Variants in STOX2 observed in about 807,000 individuals in gnomAD.
The protein encoded by STOX2 is storkhead box 2.
A neutral mutation model predicts 60.9 loss-of-function variants in STOX2; 28 were observed. The ratio of observed to expected loss-of-function variants is 0.46; its 90% CI spans 0.34 to 0.63. The LOEUF (loss-of-function observed/expected upper bound fraction) is 0.63, where lower values mean the gene tolerates loss of function less well. Ranked by LOEUF, STOX2 falls within the 30% of genes least tolerant of loss-of-function variation. STOX2 has a pLI of 0.01. For missense variants in STOX2, 1,024 were observed against 1,187.7 expected (o/e 0.86, Z 2.03); for synonymous variants, 472 against 463.9 (o/e 1.02, Z -0.22).
rs1553967298 is a variant in STOX2, at chr4:183,841,179, GTATTTATTTATT to G, written c.364+43156_364+43167del. Reference sequence around the variant, plus strand: ...CACGCCCGGTTCAGTTTTCATCGTAGTATTTATTTATTTATTTATTTATTTATTTATTTATTT... The same window carrying G: ...CACGCCCGGTTCAGTTTTCATCGTAGTATTTATTTATTTATTTATTTATTT... On this transcript the variant is annotated intron_variant, in intron 1 of 2. Transcript: ENST00000513034. Among the ~76,000 whole-genome samples the G allele has an allele frequency of 2.8e-3, 419 of 147,992 alleles. 2 individuals carry two copies. The highest frequency in any genetic ancestry group is 3.8e-3 in the Non-Finnish European group (251 of 66,906).
At chr4:183,944,445 G>A (rs1413941754) in intron 1 of STOX2, among the ~76,000 whole-genome samples, 1 of 152,244 alleles carries the variant, frequency 6.6e-6, no homozygotes, top group Admixed American at 6.5e-5. Context: ...GCTGGGCATG[G>A]TGGCTCACGC....
intron 1 of STOX2, among the ~76,000 whole-genome samples, chr4:183,886,596 G>T (rs979472112): frequency 1.3e-5 from 2 of 152,216 alleles, no homozygotes; most frequent in African/African-American, 4.8e-5. Context: ...GCACCGTCCA[G>T]GTGCAGAATG....
intron 1 of STOX2, among the ~76,000 whole-genome samples, chr4:183,948,176 A>G (rs1742950893): frequency 7.2e-6 from 1 of 139,330 alleles, no homozygotes; most frequent in South Asian, 2.4e-4. Flanking sequence ...CGAGATCATG[A>G]CATTGCACTC....
intron 1 of STOX2, among the ~76,000 whole-genome samples, chr4:183,893,851 T>G (rs1741283230): frequency 6.6e-6 from 1 of 152,176 alleles, no homozygotes; most frequent in African/African-American, 2.4e-5. Flanking sequence ...GTCTAAGCAT[T>G]TTGTTCTAGT....
At chr4:183,964,263 T>C (rs993914017) in intron 1 of STOX2, among the ~76,000 whole-genome samples, 21 of 152,230 alleles carry the variant, frequency 1.4e-4, no homozygotes, top group African/African-American at 5.1e-4. Context: ...AAATGTTATG[T>C]TGAGAAAGGA....
At chr4:183,978,947 A>G (rs562621082) in intron 1 of STOX2, among the ~76,000 whole-genome samples, 3 of 152,306 alleles carry the variant, frequency 2.0e-5, no homozygotes, top group East Asian at 3.8e-4. Context: ...TCAATTTTGT[A>G]TATGTTAATT....
At chr4:183,875,555 C>A (rs1740810672) in intron 1 of STOX2, among the ~76,000 whole-genome samples, 1 of 152,224 alleles carries the variant, frequency 6.6e-6, no homozygotes, top group Non-Finnish European at 1.5e-5. Context: ...GTGGAGCGGG[C>A]TTTGCAGCCT....
At chr4:183,973,553 G>A (rs1743802928) in intron 1 of STOX2, among the ~76,000 whole-genome samples, 1 of 152,128 alleles carries the variant, frequency 6.6e-6, no homozygotes, top group African/African-American at 2.4e-5. Flanking sequence ...ATAAAAGAAA[G>A]CAATAATTCA....
At chr4:183,992,803 C>T (rs1047626000) in intron 1 of STOX2, among the ~76,000 whole-genome samples, 2 of 152,174 alleles carry the variant, frequency 1.3e-5, no homozygotes, top group Admixed American at 6.5e-5. Flanking sequence ...TGTTTATGTA[C>T]GTAGGACCTT....
chr4:183,949,438 G>A (rs1159709897), intron 1 of STOX2, among the ~76,000 whole-genome samples: 1 of 152,196 alleles, frequency 6.6e-6, no homozygotes. Context: ...GGTGGCTCAT[G>A]CCTGTAATCC....
At chr4:183,801,644 C>T (rs1194470756) in intron 1 of STOX2, among the ~76,000 whole-genome samples, 1 of 152,166 alleles carries the variant, frequency 6.6e-6, no homozygotes, top group Non-Finnish European at 1.5e-5. Context: ...GCGGGAGTTC[C>T]TGCAGAGCAG....
At position 183,821,362 on chromosome 4, in the gene STOX2, A is replaced by G. The variant is rs1224958371; in HGVS notation, c.364+23307A>G. Reference sequence around the variant, plus strand: ...TAGGTGGAAGCCTGTGCTAGCAGGTAGAGGATCTTTTATAAAGAACAAACG... The same window carrying G: ...TAGGTGGAAGCCTGTGCTAGCAGGTGGAGGATCTTTTATAAAGAACAAACG... On this transcript the variant is annotated intron_variant, in intron 1 of 2. Coordinates refer to the STOX2 transcript ENST00000513034. The surrounding 1 kb of genome is among the most constrained non-coding windows in gnomAD (Gnocchi z 4.2). Among the ~76,000 whole-genome samples the G allele has an allele frequency of 2.0e-5, 3 of 152,236 alleles. No individual in the cohort carries two copies. The highest frequency in any genetic ancestry group is 7.2e-5 in the African/African-American group (3 of 41,462).
intron 1 of STOX2, among the ~76,000 whole-genome samples, chr4:183,888,909 TC>T (rs1299742008): frequency 6.6e-6 from 1 of 152,054 alleles, no homozygotes; most frequent in African/African-American, 2.4e-5. Context: ...ATGCTGCCTT[TC>T]TTTGGAGCAC....
intron 1 of STOX2, among the ~76,000 whole-genome samples, chr4:183,973,804 G>T (rs1165764612): frequency 6.6e-6 from 1 of 152,158 alleles, no homozygotes; most frequent in East Asian, 1.9e-4. Flanking sequence ...GACCATCCTG[G>T]CTAACATGGG....
chr4:183,912,776 C>A (rs1741817195), intron 1 of STOX2, among the ~76,000 whole-genome samples: 1 of 152,156 alleles, frequency 6.6e-6, no homozygotes, highest in African/African-American at 2.4e-5. Flanking sequence ...TGGCATGTAT[C>A]CGGCACACAG....
chr4:183,853,997 G>A lies in STOX2; in HGVS notation c.364+55942G>A, dbSNP rs150554629. Reference sequence around the variant, plus strand: ...CTGAAACAGCAGATTTATTTGGAGGGGTTATTTGCATGTCTCATGTGGGAT... The same window carrying A: ...CTGAAACAGCAGATTTATTTGGAGGAGTTATTTGCATGTCTCATGTGGGAT... On this transcript the variant is annotated intron_variant, in intron 1 of 2. Transcript: ENST00000513034. Among the ~76,000 whole-genome samples, 170 of 152,264 alleles carry A rather than the reference G, an allele frequency of 1.1e-3. 1 individual carries two copies. Among genetic ancestry groups the A allele is most frequent in the African/African-American group, 4.0e-3 (165 of 41,542 alleles).
chr4:183,963,056 C>T (rs938189979), intron 1 of STOX2, among the ~76,000 whole-genome samples: 14 of 152,152 alleles, frequency 9.2e-5, no homozygotes, highest in African/African-American at 2.9e-4. Context: ...AATTCTTCTA[C>T]ACTCATTGGG....
At chr4:183,978,584 C>T (rs1253104964) in intron 1 of STOX2, among the ~76,000 whole-genome samples, 1 of 152,196 alleles carries the variant, frequency 6.6e-6, no homozygotes, top group East Asian at 1.9e-4. Context: ...AGCAATCCTA[C>T]TTCAGTAGTT....
intron 1 of STOX2, among the ~76,000 whole-genome samples, chr4:183,994,075 C>T (rs1363779101): frequency 2.0e-5 from 3 of 152,170 alleles, no homozygotes; most frequent in African/African-American, 7.2e-5. Context: ...GGCGCTGCAT[C>T]CGAGAAGTTG....
Sources: allele counts gnomAD v4.1 joint callset (sites outside exome capture counted in the v4.1 genomes callset), GRCh38; gene constraint gnomAD v4.1.1; non-coding constraint Gnocchi (gnomAD v3.1); transcripts MANE v1.5; gene names NCBI Gene and HGNC (gene_info 2026-07-23, HGNC 2026-07-21).